CEP192: variants seen among roughly 807,000 people sequenced by gnomAD.
The protein encoded by CEP192 is centrosomal protein 192.
CEP192 carries 151 observed loss-of-function variants against 271.8 expected under a neutral mutation model. That is an observed-to-expected ratio of 0.56 (90% CI 0.49 to 0.64). The LOEUF is 0.64. Among genes scored for constraint, CEP192 ranks in the 30% least tolerant of loss-of-function variants. The probability of loss-of-function intolerance (pLI) is 0.00; values close to 1 mark genes in which losing one functional copy is unlikely to be tolerated. For missense variants in CEP192, 2,910 were observed against 3,020.5 expected (o/e 0.96, Z 0.86); for synonymous variants, 995 against 1,076.5 (o/e 0.92, Z 1.48).
intron 29 of CEP192, 78 bp downstream of exon 29, chr18:13,072,923 A>G (rs1276352344): frequency 6.5e-7 from 1 of 1,541,270 alleles, no homozygotes; most frequent in Admixed American, 1.7e-5. Context: ...TTTTTGTGTT[A>G]TTTAGCTTTT....
Position 13,037,310 on chromosome 18 carries a change from T to A in CEP192, c.1599+9T>A. The A allele has an allele frequency of 8.4e-7, 1 of 1,195,400 alleles. No homozygotes were observed. The highest frequency in any genetic ancestry group is 1.4e-5 in the South Asian group (1 of 73,542). The allele number at this position is 1,195,400 out of a possible 1,614,324, so 74.0% of individuals were successfully genotyped here. ...AGCATCAATTTATACAGGTTTGTAATTATTTGTTTTATCCAAAATTTAAAA... is the reference window on the plus strand; with the variant it reads ...AGCATCAATTTATACAGGTTTGTAAATATTTGTTTTATCCAAAATTTAAAA... On this transcript the variant is annotated intron_variant, in intron 12 of 44. Transcript: ENST00000506447.
chr18:13,123,340 T>C (rs1184449071), intron 44 of CEP192, among the ~76,000 whole-genome samples: 2 of 152,148 alleles, frequency 1.3e-5, no homozygotes, highest in East Asian at 1.9e-4. Context: ...TAAAAACATA[T>C]AGAGATACAC....
At chr18:13,110,870 A>T (rs1053217672) in intron 40 of CEP192, among the ~76,000 whole-genome samples, 13 of 152,254 alleles carry the variant, frequency 8.5e-5, no homozygotes, top group Non-Finnish European at 1.8e-4. Flanking sequence ...GGAAGGAAGC[A>T]TCCAGCACGG....
chr18:13,081,200 G>A (rs1186319118), intron 30 of CEP192, among the ~76,000 whole-genome samples: 2 of 152,202 alleles, frequency 1.3e-5, no homozygotes, highest in African/African-American at 4.8e-5. Flanking sequence ...GATTGGAATA[G>A]TTTCAGAAGA....
chr18:13,023,706 C>T (rs1335288215), intron 9 of CEP192, among the ~76,000 whole-genome samples: 1 of 151,674 alleles, frequency 6.6e-6, no homozygotes, highest in Non-Finnish European at 1.5e-5. Flanking sequence ...TTTGTGATGT[C>T]TTTAGTTTGG....
At chr18:13,024,289 T>C (rs1275262493) in intron 9 of CEP192, 3 of 456,578 alleles carry the variant, frequency 6.6e-6, no homozygotes, top group African/African-American at 2.0e-5. Context: ...GTCTGCTCTG[T>C]CTGAAAGTAA....
intron 1 of CEP192, among the ~76,000 whole-genome samples, chr18:12,998,597 CTAAA>C (rs1385327614): frequency 2.0e-5 from 3 of 152,254 alleles, no homozygotes; most frequent in South Asian, 2.1e-4. Flanking sequence ...GTTTATCATC[CTAAA>C]TAAACTCTCT....
intron 30 of CEP192, among the ~76,000 whole-genome samples, chr18:13,086,081 CCTT>C (rs1901651524): frequency 6.6e-6 from 1 of 152,092 alleles, no homozygotes; most frequent in African/African-American, 2.4e-5. Flanking sequence ...TTGTAGTTCT[CCTT>C]GAAGAGGTCA....
chr18:13,087,048 AT>A lies in CEP192; in HGVS notation c.5649del (p.Ile1885PhefsTer14). On this transcript the variant is annotated frameshift_variant, in exon 31 of 45. Coordinates refer to ENST00000506447, the MANE Select transcript of CEP192 (RefSeq NM_032142.4). LOFTEE classifies it high-confidence loss of function. ...TTGTCTGGATATGGAGGAACAAGCA[AT>A]CTTATTTTGGAAGGCGTTAAAAAAT... ...IPLSGYGGTSNLILEGVKKLS... is the reference protein window; with the variant it reads ...IPLSGYGGTSXLILEGVKKLS... 6.2e-7 allele frequency: 1 copy of A among 1,612,592 alleles called. No individual in the cohort carries two copies. The highest frequency in any genetic ancestry group is 8.5e-7 in the Non-Finnish European group (1 of 1,178,698).
intron 44 of CEP192, among the ~76,000 whole-genome samples, chr18:13,124,160 C>CA (rs951879626): frequency 2.0e-4 from 29 of 144,380 alleles, no homozygotes; most frequent in African/African-American, 3.6e-4. Flanking sequence ...AACTCCGTCT[C>CA]AAAAAAAAAA....
At chr18:13,032,541 G>A (rs77387874) in intron 11 of CEP192, among the ~76,000 whole-genome samples, 2,827 of 152,226 alleles carry the variant, frequency 0.019, 81 homozygotes, top group African/African-American at 0.064. Context: ...TTGCTGGTGG[G>A]AGTGTAAATT....
rs532252111 is a variant in CEP192, at chr18:13,027,291, C to T, written c.1051-2372C>T. ...TGCCCTGTTATATTTCAAAATTACC[C>T]CTTTCTCCTCCCCATACTGGAAGCC... is the stretch of plus-strand genomic sequence containing the variant. On this transcript the variant is annotated intron_variant, in intron 9 of 44. Transcript: ENST00000506447. Among the ~76,000 whole-genome samples, 3 of 152,204 alleles carry T rather than the reference C, an allele frequency of 2.0e-5. No homozygotes were observed. In the East Asian group the frequency reaches 5.8e-4, roughly 29 times the overall value.
intron 44 of CEP192, among the ~76,000 whole-genome samples, chr18:13,122,010 C>T (rs2040684947): frequency 6.6e-6 from 1 of 152,196 alleles, no homozygotes; most frequent in Admixed American, 6.5e-5. Context: ...TGTTTTGGGC[C>T]GGGCATGGTG....
rs529984201 is a variant in CEP192 at position 13,001,384 on chromosome 18, G to A, written c.165-73G>A. 1.5e-5 allele frequency: 16 copies of A among 1,071,918 alleles called. No individual in the cohort carries two copies. The African/African-American group carries it at 2.4e-4, about 16-fold the overall frequency. 66.4% of individuals were successfully genotyped at this position (1,071,918 alleles called of 1,614,324 possible). On this transcript the variant is annotated intron_variant, in intron 2 of 44. Coordinates refer to ENST00000506447, the MANE Select transcript of CEP192 (RefSeq NM_032142.4). Reference sequence around the variant, plus strand: ...CGGTGGTTGGTTTTACTGTCACGCAGCCCTATGTCATGATGACATTTAAAT... The same window carrying A: ...CGGTGGTTGGTTTTACTGTCACGCAACCCTATGTCATGATGACATTTAAAT...
At chr18:13,065,222 A>G (rs1237412713) in intron 21 of CEP192, among the ~76,000 whole-genome samples, 1 of 151,760 alleles carries the variant, frequency 6.6e-6, no homozygotes, top group Non-Finnish European at 1.5e-5. Context: ...CAATACATAT[A>G]CCATGTTATC....
chr18:13,069,494 C>T (rs1220689007), intron 26 of CEP192, among the ~76,000 whole-genome samples: 2 of 152,016 alleles, frequency 1.3e-5, no homozygotes. Flanking sequence ...ATTTCTGAGA[C>T]CTGAGGGTGA....
At chr18:13,004,075 A>G (rs958579620) in intron 3 of CEP192, among the ~76,000 whole-genome samples, 2 of 152,216 alleles carry the variant, frequency 1.3e-5, no homozygotes, top group Non-Finnish European at 2.9e-5. Context: ...AAATGAGGGC[A>G]AAGAATTGAC....
chr18:13,008,386 T>G (rs2034111219), intron 3 of CEP192, 70 bp from the exon 4 acceptor site: 2 of 1,070,170 alleles, frequency 1.9e-6, no homozygotes, highest in Admixed American at 2.7e-5. Context: ...CATAACTGAT[T>G]AATAAATATT....
At chr18:13,042,159 C>A in intron 14 of CEP192, 45 bp from the exon 15 acceptor site, 1 of 1,529,306 alleles carries the variant, frequency 6.5e-7, no homozygotes. Context: ...CTGTGTTTGT[C>A]AAATAGTGTA....
Sources: gnomAD v4.1 joint callset for allele counts (sites outside exome capture counted in the v4.1 genomes callset) on GRCh38, gnomAD v4.1.1 for gene constraint, MANE v1.5 for transcripts, NCBI Gene and HGNC (gene_info 2026-07-23, HGNC 2026-07-21) for gene names.